RAB5C: variants seen among roughly 807,000 people sequenced by gnomAD.
RAB5C encodes RAB5C, member RAS oncogene family, also known as ras-related protein Rab-5C.
A neutral mutation model predicts 25.2 loss-of-function variants in RAB5C; 4 were observed. The ratio of observed to expected loss-of-function variants is 0.16; its 90% CI spans 0.08 to 0.36. The LOEUF (loss-of-function observed/expected upper bound fraction) is 0.36, where lower values mean the gene tolerates loss of function less well. Among genes scored for constraint, RAB5C ranks in the 10% least tolerant of loss-of-function variants. RAB5C has a pLI of 1.00. For synonymous variants in RAB5C, 100 were observed against 106.4 expected (o/e 0.94, Z 0.37); for missense variants, 199 against 283.8 (o/e 0.70, Z 2.15).
chr17:42,128,530 T>TGGGGGGGGGGGGGGGGGGGGGGGGGGGGG, intron 3 of RAB5C, 119 bp downstream of exon 3: 6 of 730,782 alleles, frequency 8.2e-6, no homozygotes, highest in Non-Finnish European at 1.2e-5. Flanking sequence ...ACAGGAAATC[T>TGGGGGGGGGGGGGGGGGGGGGGGGGGGGG]GCCCACCCCC....
At chr17:42,150,836 G>C (rs1340027340) in intron 1 of RAB5C, among the ~76,000 whole-genome samples, 1 of 151,686 alleles carries the variant, frequency 6.6e-6, no homozygotes, top group African/African-American at 2.4e-5. Flanking sequence ...AACAGAATGA[G>C]AATGAGACTG....
chr17:42,137,869 G>C (rs188754869), intron 1 of RAB5C: 3 of 151,568 alleles, frequency 2.0e-5, no homozygotes, highest in African/African-American at 4.9e-5. Context: ...CCTGGCGAGA[G>C]AGCGAGACTC....
At chr17:42,150,881 T>A (rs2079666588) in intron 1 of RAB5C, among the ~76,000 whole-genome samples, 1 of 152,018 alleles carries the variant, frequency 6.6e-6, no homozygotes, top group African/African-American at 2.4e-5. Flanking sequence ...AACCCCTACC[T>A]ACCCATCAGA....
chr17:42,140,137 C>T (rs966314104), intron 1 of RAB5C, among the ~76,000 whole-genome samples: 1 of 152,156 alleles, frequency 6.6e-6, no homozygotes, highest in Non-Finnish European at 1.5e-5. Context: ...GAAACCTCTG[C>T]TGAAAGTCAG....
chr17:42,150,852 A>G (rs1164546625), intron 1 of RAB5C, among the ~76,000 whole-genome samples: 1 of 149,452 alleles, frequency 6.7e-6, no homozygotes, highest in East Asian at 1.9e-4. Context: ...GACTGCCTCA[A>G]AAAAAAAAAG....
At chr17:42,132,261 T>G (rs2054493498) in intron 1 of RAB5C, among the ~76,000 whole-genome samples, 1 of 152,216 alleles carries the variant, frequency 6.6e-6, no homozygotes, top group African/African-American at 2.4e-5. Context: ...ACAGTTTCCT[T>G]TCTGGAGAGA....
Position 42,128,325 on chromosome 17 carries a change from T to G in RAB5C, c.377A>C (p.Asn126Thr). 1 of 1,614,178 alleles carries G rather than the reference T, an allele frequency of 6.2e-7. No individual in the cohort carries two copies. The highest frequency in any genetic ancestry group is 8.5e-7 in the Non-Finnish European group (1 of 1,180,020). ...GTTACCCGCGAGTGCAATGACGATG[T>G]TGGGGCTGGCCTGCCTCTGTAGCTC... ...VKELQRQASP[N>T]IVIALAGNKA... The change falls in exon 4 of 6, where the codon AAC (asparagine) becomes ACC (threonine). Residue 126 changes from asparagine to threonine, a missense_variant. Asn to Thr is a moderately conservative substitution (Grantham distance 65). Transcript: ENST00000346213.
intron 4 of RAB5C, 91 bp from the exon 5 acceptor site, chr17:42,126,939 C>G (rs2054432575): frequency 1.3e-6 from 1 of 789,002 alleles, no homozygotes; most frequent in Non-Finnish European, 2.2e-6. Flanking sequence ...CTTATTCGAG[C>G]ACCTTATCAT....
chr17:42,149,065 T>C (rs2144099565), intron 1 of RAB5C, among the ~76,000 whole-genome samples: 1 of 152,310 alleles, frequency 6.6e-6, no homozygotes, highest in East Asian at 1.9e-4. Context: ...TCTCTTACAA[T>C]ACCAAGCTAT....
At position 42,130,465 on chromosome 17, in the gene RAB5C, G is replaced by A. The variant is rs1598245338; in HGVS notation, c.38C>T (p.Pro13Leu). Reference protein sequence around the residue: ...GRGGAARPNGPAAGNKICQFK... With the variant: ...GRGGAARPNGLAAGNKICQFK... Reference sequence around the variant, plus strand: ...TTGACAGATCTTGTTCCCAGCAGCTGGTCCATTGGGTCGTGCTGCGCCTCC... The same window carrying A: ...TTGACAGATCTTGTTCCCAGCAGCTAGTCCATTGGGTCGTGCTGCGCCTCC... The change falls in exon 2 of 6, where the codon CCA becomes CTA. Residue 13 changes from proline (P) to leucine (L), a missense_variant. By Grantham distance (98) the Pro-to-Leu change is moderately conservative. Coordinates refer to ENST00000346213, the MANE Select transcript of RAB5C (RefSeq NM_004583.4). The A allele has an allele frequency of 1.2e-6, 2 of 1,614,104 alleles. No homozygotes were observed. The highest frequency in any genetic ancestry group is 1.7e-6 in the Non-Finnish European group (2 of 1,180,022).
chr17:42,126,881 G>C, intron 4 of RAB5C, 33 bp from the exon 5 acceptor site: 24 of 1,433,700 alleles, frequency 1.7e-5, no homozygotes, highest in East Asian at 2.3e-5. Context: ...GAGGTGAGAG[G>C]GAAATGTTGG....
At chr17:42,139,471 C>CA (rs1468287394) in intron 1 of RAB5C, among the ~76,000 whole-genome samples, 1 of 151,616 alleles carries the variant, frequency 6.6e-6, no homozygotes, top group Admixed American at 6.6e-5. Context: ...GTGGCAGATT[C>CA]TTTTTTTTTG....
intron 1 of RAB5C, among the ~76,000 whole-genome samples, chr17:42,150,112 T>C (rs957235086): frequency 2.0e-4 from 31 of 151,520 alleles, no homozygotes; most frequent in Middle Eastern, 3.4e-3. Context: ...CTCGAACTCC[T>C]GACTTCAGGT....
rs572520869 is a variant in RAB5C at position 42,150,083 on chromosome 17, C to G, written c.-89+4810G>C. On this transcript the variant is annotated intron_variant, in intron 1 of 5. Coordinates refer to ENST00000346213, the MANE Select transcript of RAB5C (RefSeq NM_004583.4). ...TATTTTTAGTAGAGATGGGGTTTCA[C>G]CATGTTGGCCAGGCTGGTCTCGAAC... Among the ~76,000 whole-genome samples, 270 of 151,988 alleles carry G rather than the reference C, an allele frequency of 1.8e-3. 4 individuals are homozygous for G. Among genetic ancestry groups the G allele is most frequent in the East Asian group, 1.2e-3 (6 of 5,146 alleles).
rs182748947 is a variant in RAB5C at position 42,130,880 on chromosome 17, A to G, written c.-88-290T>C. ...TTCTGGATCCCAAATATGTACATTC[A>G]CCTACAAATAAACACACACAGGCGA... On this transcript the variant is annotated intron_variant, in intron 1 of 5. Coordinates refer to ENST00000346213, the MANE Select transcript of RAB5C (RefSeq NM_004583.4). 2.6e-5 allele frequency among the ~76,000 whole-genome samples: 4 copies of G among 152,198 alleles called. No homozygotes were observed. The East Asian group carries it at 7.7e-4, about 29-fold the overall frequency.
At chr17:42,150,133 C>A (rs1224067620) in intron 1 of RAB5C, among the ~76,000 whole-genome samples, 2 of 151,940 alleles carry the variant, frequency 1.3e-5, no homozygotes, top group East Asian at 3.9e-4. Flanking sequence ...GATCTCCCAG[C>A]CTCAGCCTTC....
chr17:42,130,499 C>T lies in RAB5C; in HGVS notation c.4G>A (p.Ala2Thr), dbSNP rs1212782865. 5.0e-6 allele frequency: 8 copies of T among 1,613,942 alleles called. No individual in the cohort carries two copies. The Admixed American group carries it at 1.3e-4, about 27-fold the overall frequency. ...GGTCGTGCTGCGCCTCCCCGACCCG[C>T]CATTGCCCGTCCAGCTGTAGTGGTC... is the stretch of plus-strand genomic sequence containing the variant. M[A>T]GRGGAARPNG... Residue 2 changes from alanine to threonine, a missense_variant, in exon 2 of 6, where the codon GCG becomes ACG. Physicochemically the swap from Ala to Thr is moderately conservative, Grantham distance 58. Coordinates refer to ENST00000346213, the MANE Select transcript of RAB5C (RefSeq NM_004583.4).
chr17:42,128,898 CACT>C (rs1412994445), intron 2 of RAB5C, 98 bp from the exon 3 acceptor site: 1 of 1,129,648 alleles, frequency 8.9e-7, no homozygotes, highest in Non-Finnish European at 1.2e-6. Flanking sequence ...AGAAGCCCAC[CACT>C]GAGATGGGCA....
intron 1 of RAB5C, among the ~76,000 whole-genome samples, chr17:42,134,650 C>T (rs1489379628): frequency 6.6e-6 from 1 of 152,232 alleles, no homozygotes; most frequent in Non-Finnish European, 1.5e-5. Flanking sequence ...AAAGATTCTC[C>T]TTGCCATGGA....
Sources: allele counts gnomAD v4.1 joint callset (sites outside exome capture counted in the v4.1 genomes callset), GRCh38; gene constraint gnomAD v4.1.1; transcripts MANE v1.5; gene names NCBI Gene and HGNC (gene_info 2026-07-23, HGNC 2026-07-21).